Variants in CDH15 observed in about 807,000 individuals in gnomAD.
CDH15 encodes cadherin-15.
In CDH15, 73 loss-of-function variants were observed where a neutral mutation model predicts 69.4. The observed-to-expected ratio is 1.05, with a 90% confidence interval of 0.87 to 1.28. CDH15 has a LOEUF of 1.28. Ranked by LOEUF, CDH15 falls within the 50% of genes most tolerant of loss-of-function variation. CDH15 has a pLI of 0.00. For missense variants in CDH15, 1,343 were observed against 1,133.6 expected, an observed-to-expected ratio of 1.18 and a Z score of -2.65; for synonymous variants, 624 against 507.7, an observed-to-expected ratio of 1.23 and a Z score of -3.08.
At position 89,193,586 on chromosome 16, in the gene CDH15, G is replaced by A. The variant is rs1156497117; in HGVS notation, c.1972G>A (p.Gly658Arg). 2 of 1,601,974 alleles carry A rather than the reference G, an allele frequency of 1.2e-6. No homozygotes were observed. Among genetic ancestry groups the A allele is most frequent in the African/African-American group, 2.7e-5 (2 of 74,760 alleles). Residue 658 changes from glycine (G) to arginine (R), a missense_variant, in exon 12 of 14, where the codon GGA becomes AGA. By Grantham distance (125) the Gly-to-Arg change is moderately radical. Coordinates refer to ENST00000289746, the MANE Select transcript of CDH15 (RefSeq NM_004933.3). ...RDNVLNYDEQ[G>R]GGEEDQDAYD... ...CAATGTCCTCAACTACGATGAGCAA[G>A]GAGGCGGGGAGGAGGACCAGGTGAG...
intron 1 of CDH15, among the ~76,000 whole-genome samples, chr16:89,174,949 C>T (rs537004992): frequency 5.3e-5 from 8 of 152,360 alleles, no homozygotes; most frequent in African/African-American, 1.2e-4. Flanking sequence ...CCTCCCTCCA[C>T]TGGCCACGTC....
chr16:89,180,165 A>G, intron 2 of CDH15, 35 bp from the exon 3 acceptor site: 2 of 1,607,964 alleles, frequency 1.2e-6, no homozygotes, highest in Non-Finnish European at 1.7e-6. Flanking sequence ...CCCCGCCCGG[A>G]GCAGCTCTCC....
chr16:89,173,708 G>T (rs1429709377), intron 1 of CDH15, among the ~76,000 whole-genome samples: 1 of 152,210 alleles, frequency 6.6e-6, no homozygotes, highest in African/African-American at 2.4e-5. Flanking sequence ...GGCAGCGTGG[G>T]CCCATCAGGG....
chr16:89,180,265 G>A lies in CDH15; in HGVS notation c.267G>A (p.Glu89=). Residue 89 remains glutamate, a synonymous_variant, in exon 3 of 14, where the codon GAG becomes GAA. Coordinates refer to ENST00000289746, the MANE Select transcript of CDH15 (RefSeq NM_004933.3). ...IYSIQGPGVD[E]EPRGVFSIDK... is the part of the protein sequence containing the mutation. The stretch of plus-strand genomic sequence containing the variant: ...GCATCCAGGGACCCGGCGTGGATGA[G>A]GAGCCCCGGGGCGTCTTCTCTATCG... 1 of 1,609,932 alleles carries A rather than the reference G, an allele frequency of 6.2e-7. No homozygotes were observed.
chr16:89,190,016 G>C (rs1265805900), intron 7 of CDH15, among the ~76,000 whole-genome samples: 2 of 152,240 alleles, frequency 1.3e-5, no homozygotes, highest in Non-Finnish European at 2.9e-5. Context: ...CGGAGTATGT[G>C]CTTGAACCCT....
At chr16:89,191,242 TGC>T in intron 8 of CDH15, 86 bp from the exon 9 acceptor site, 1 of 1,449,974 alleles carries the variant, frequency 6.9e-7, no homozygotes, top group Non-Finnish European at 9.6e-7. Flanking sequence ...CCTGTGTGTG[TGC>T]AGTGCATGTC....
intron 1 of CDH15, among the ~76,000 whole-genome samples, chr16:89,173,093 G>T (rs1782052720): frequency 2.0e-5 from 3 of 152,102 alleles, no homozygotes; most frequent in Admixed American, 6.5e-5. Flanking sequence ...GGGCACCACG[G>T]CTCCTGCCAC....
In CDH15 at chr16:89,188,587, G is replaced by A. The variant is rs538906498; in HGVS notation, c.978+302G>A. ...GCACACACACATGCCGGCACACACA[G>A]ATGCCCACACACAGATGCCCACGCA... On this transcript the variant is annotated intron_variant, in intron 7 of 13. Transcript: ENST00000289746. Among the ~76,000 whole-genome samples the A allele has an allele frequency of 4.0e-4, 49 of 123,452 alleles. 2 individuals carry two copies. In the South Asian group the frequency reaches 0.013, roughly 33 times the overall value. 81.0% of individuals were successfully genotyped at this position (123,452 alleles called of 152,430 possible).
Position 89,192,430 on chromosome 16 carries a change from C to T in CDH15, c.1841C>T (p.Ala614Val). The T allele has an allele frequency of 6.4e-7, 1 of 1,556,236 alleles. No individual in the cohort carries two copies. The highest frequency in any genetic ancestry group is 8.6e-7 in the Non-Finnish European group (1 of 1,158,446). Residue 614 changes from alanine (A) to valine (V), a missense_variant, in exon 11 of 14, where the codon GCC becomes GTC. Transcript: ENST00000289746. ...GCACTGGTCATCGTGCTGGCCAGCG[C>T]CCTCCTGCTGCTGGGTGAGTGAGCG... ...LGALVIVLAS[A>V]LLLLVLVLLV...
At chr16:89,185,526 C>A (rs1597307208) in intron 5 of CDH15, 193 bp downstream of exon 5, 1 of 718,790 alleles carries the variant, frequency 1.4e-6, no homozygotes. Context: ...CCGCGCTGGC[C>A]CGGGTGGGAG....
At chr16:89,179,124 G>T (rs1278337712) in intron 1 of CDH15, among the ~76,000 whole-genome samples, 1 of 152,356 alleles carries the variant, frequency 6.6e-6, no homozygotes, top group Non-Finnish European at 1.5e-5. Flanking sequence ...TGGCTGCTGA[G>T]TGGGCCCAGT....
intron 1 of CDH15, among the ~76,000 whole-genome samples, chr16:89,174,879 G>A (rs920586769): frequency 2.6e-5 from 4 of 152,190 alleles, no homozygotes; most frequent in African/African-American, 4.8e-5. Flanking sequence ...GGCTGGCTGC[G>A]TTGATGTGGC....
rs1324010974 is a variant in CDH15 at position 89,192,368 on chromosome 16, A to G, written c.1779A>G (p.Ala593=). 2 of 1,538,406 alleles carry G rather than the reference A, an allele frequency of 1.3e-6. No individual in the cohort carries two copies. The highest frequency in any genetic ancestry group is 8.7e-7 in the Non-Finnish European group (1 of 1,148,664). ...ACGGCGTCTGCCTGCCGGGGGCCGCAGCGCTGCTGGCGGGGGGCACAGGCC... is the reference window on the plus strand; with the variant it reads ...ACGGCGTCTGCCTGCCGGGGGCCGCGGCGCTGCTGGCGGGGGGCACAGGCC... ...GKDGVCLPGA[A]ALLAGGTGLS... is the part of the protein sequence containing the mutation. The change falls in exon 11 of 14, where the codon GCA becomes GCG. Residue 593 remains alanine (A), a synonymous_variant. Coordinates refer to ENST00000289746, the MANE Select transcript of CDH15 (RefSeq NM_004933.3).
At chr16:89,193,351 C>G in intron 11 of CDH15, 119 bp from the exon 12 acceptor site, 1 of 498,714 alleles carries the variant, frequency 2.0e-6, no homozygotes, top group East Asian at 4.1e-5. Flanking sequence ...GCCCCCTCAA[C>G]CCCACCCCTG....
Position 89,195,475 on chromosome 16 carries a change from GC to G in CDH15, c.*321del. 2.4e-6 allele frequency: 1 copy of G among 412,434 alleles called. No homozygotes were observed. The highest frequency in any genetic ancestry group is 4.4e-6 in the Non-Finnish European group (1 of 228,380). 25.5% of individuals were successfully genotyped at this position (412,434 alleles called of 1,614,324 possible). A position where few individuals can be genotyped will look rare whatever the true frequency, so the allele number is the denominator to read the frequency against. ...CTGGGTAAATCTGAATGAAAAACGT[GC>G]TAGTCTCTTTCATGCAGGACGGGCG... On this transcript the variant is annotated 3_prime_UTR_variant, in exon 14 of 14. Transcript: ENST00000289746.
rs1597307203 is a variant in CDH15 at position 89,185,525 on chromosome 16, C to T, written c.663+192C>T. The T allele has an allele frequency of 2.2e-5, 16 of 720,810 alleles. No homozygotes were observed. The East Asian group carries it at 4.4e-4, about 20-fold the overall frequency. The allele number at this position is 720,810 out of a possible 1,614,324, so 44.7% of individuals were successfully genotyped here. ...GATGCGCAGACAGGAGCCGCGCTGG[C>T]CCGGGTGGGAGGGGTCTGGTGCAAG... On this transcript the variant is annotated intron_variant, in intron 5 of 13. Coordinates refer to ENST00000289746, the MANE Select transcript of CDH15 (RefSeq NM_004933.3).
At chr16:89,187,965 A>T in intron 6 of CDH15, 135 bp from the exon 7 acceptor site, 1 of 769,416 alleles carries the variant, frequency 1.3e-6, no homozygotes, top group Non-Finnish European at 2.0e-6. Flanking sequence ...CAGCTTCGAC[A>T]GGAGCAAGGG....
At chr16:89,173,931 C>T (rs1484169969) in intron 1 of CDH15, among the ~76,000 whole-genome samples, 1 of 152,244 alleles carries the variant, frequency 6.6e-6, no homozygotes, top group East Asian at 1.9e-4. Context: ...AGAACCCCAG[C>T]CTGCTGGGAA....
intron 1 of CDH15, among the ~76,000 whole-genome samples, chr16:89,177,565 G>A (rs1915285535): frequency 6.6e-6 from 1 of 152,068 alleles, no homozygotes; most frequent in Non-Finnish European, 1.5e-5. Context: ...CAGGCCCGGG[G>A]CACAGGGGAC....
Sources: allele counts gnomAD v4.1 joint callset (sites outside exome capture counted in the v4.1 genomes callset), GRCh38; gene constraint gnomAD v4.1.1; transcripts MANE v1.5; gene names NCBI Gene and HGNC (gene_info 2026-07-23, HGNC 2026-07-21).